Variants in NOD2 observed in about 807,000 individuals in gnomAD.
NOD2 encodes nucleotide-binding oligomerization domain-containing protein 2.
A neutral mutation model predicts 90.9 loss-of-function variants in NOD2; 86 were observed. The observed-to-expected ratio is 0.95, with a 90% CI of 0.79 to 1.13. The LOEUF is 1.13. Ranked by LOEUF, NOD2 falls within the 50% of genes most tolerant of loss-of-function variation. NOD2 has a pLI of 0.00. For synonymous variants in NOD2, 581 were observed against 554.6 expected (o/e 1.05, Z -0.67); for missense variants, 1,238 against 1,283.8 (o/e 0.96, Z 0.55).
intron 2 of NOD2, among the ~76,000 whole-genome samples, chr16:50,700,286 C>A (rs1041511714): frequency 6.6e-6 from 1 of 151,670 alleles, no homozygotes; most frequent in African/African-American, 2.4e-5. Flanking sequence ...CCATGAACAG[C>A]TAATTTTTTT....
intron 1 of NOD2, among the ~76,000 whole-genome samples, chr16:50,696,730 T>C (rs902063852): frequency 1.3e-5 from 2 of 152,208 alleles, no homozygotes; most frequent in Admixed American, 1.3e-4. Context: ...CCTGGCTGAA[T>C]TGGCCCTCAG....
intron 8 of NOD2, among the ~76,000 whole-genome samples, chr16:50,722,916 C>T (rs1479097397): frequency 1.3e-5 from 2 of 152,126 alleles, no homozygotes; most frequent in Admixed American, 1.3e-4. Flanking sequence ...GGTTTTGATA[C>T]AGTATCTGTA....
chr16:50,702,008 C>T (rs971289140), intron 2 of NOD2, among the ~76,000 whole-genome samples: 5 of 152,086 alleles, frequency 3.3e-5, no homozygotes, highest in South Asian at 2.1e-4. Context: ...TGCAGTAGCA[C>T]GATCATAAAT....
intron 7 of NOD2, among the ~76,000 whole-genome samples, chr16:50,721,642 G>A (rs1385448830): frequency 6.6e-6 from 1 of 152,006 alleles, no homozygotes; most frequent in Non-Finnish European, 1.5e-5. Context: ...ACAGGCACAA[G>A]CCACCATGCC....
intron 6 of NOD2, among the ~76,000 whole-genome samples, chr16:50,718,460 T>G (rs1964898466): frequency 6.6e-6 from 1 of 152,244 alleles, no homozygotes; most frequent in South Asian, 2.1e-4. Flanking sequence ...ATGTATGAAT[T>G]GTTTATCTCT....
chr16:50,720,868 G>A (rs1476477779), intron 7 of NOD2, among the ~76,000 whole-genome samples: 1 of 151,852 alleles, frequency 6.6e-6, no homozygotes, highest in Non-Finnish European at 1.5e-5. Context: ...GCAGTGGCAC[G>A]ATCTTGGCTC....
chr16:50,726,749 A>T (rs1965279915), intron 10 of NOD2, among the ~76,000 whole-genome samples: 1 of 152,132 alleles, frequency 6.6e-6, no homozygotes, highest in Admixed American at 6.5e-5. Context: ...AAACTATATC[A>T]TCCCCCACAA....
At chr16:50,720,053 G>A in intron 7 of NOD2, 45 bp downstream of exon 7, 1 of 1,561,664 alleles carries the variant, frequency 6.4e-7, no homozygotes, top group Non-Finnish European at 8.8e-7. Flanking sequence ...AGGGGCTTGG[G>A]ACTTTTGAGG....
At chr16:50,716,775 T>G in intron 5 of NOD2, 105 bp downstream of exon 5, 1 of 1,473,626 alleles carries the variant, frequency 6.8e-7, no homozygotes, top group Non-Finnish European at 9.5e-7. Flanking sequence ...AGGGGCTGTT[T>G]GCATGATGGG....
rs1462171113 is a variant in NOD2, at chr16:50,710,796, G to C, written c.804G>C (p.Val268=). The change falls in exon 4 of 12, where the codon GTG becomes GTC. Residue 268 remains valine (V), a synonymous_variant. Transcript: ENST00000647318. ...PGHLNDDADT[V]LVVGEAGSGK... is the part of the protein sequence containing the mutation. ...ACCTCAATGACGATGCGGACACTGT[G>C]CTGGTGGTGGGTGAGGCGGGCAGTG... The C allele has an allele frequency of 6.2e-7, 1 of 1,614,030 alleles. No homozygotes were observed. Among genetic ancestry groups the C allele is most frequent in the Non-Finnish European group, 8.5e-7 (1 of 1,180,052 alleles).
rs570344566 is a variant in NOD2, at chr16:50,707,026, A to G, written c.460-829A>G. Among the ~76,000 whole-genome samples, 16 of 152,308 alleles carry G rather than the reference A, an allele frequency of 1.1e-4. No individual in the cohort carries two copies. In the South Asian group the frequency reaches 3.3e-3, roughly 32 times the overall value. The stretch of plus-strand genomic sequence containing the variant: ...TCTTGCTATTTTCTACATGGATTAC[A>G]TGTTGAAATGGTAATGTTTTGGCTA... On this transcript the variant is annotated intron_variant, in intron 2 of 11. Transcript: ENST00000647318.
At chr16:50,698,923 C>G (rs896196732) in intron 1 of NOD2, among the ~76,000 whole-genome samples, 2 of 150,944 alleles carry the variant, frequency 1.3e-5, no homozygotes, top group East Asian at 3.9e-4. Flanking sequence ...CTCTCTCTCT[C>G]TCTGTCTTTT....
chr16:50,718,465 A>C (rs1471039284), intron 6 of NOD2, among the ~76,000 whole-genome samples: 1 of 152,206 alleles, frequency 6.6e-6, no homozygotes, highest in African/African-American at 2.4e-5. Context: ...TGAATTGTTT[A>C]TCTCTAGAAT....
Position 50,712,450 on chromosome 16 carries a change from T to C in NOD2, c.2381+77T>C, listed in dbSNP as rs541029109. The C allele has an allele frequency of 2.9e-4, 451 of 1,581,190 alleles. 4 individuals carry two copies. Among genetic ancestry groups the C allele is most frequent in the Non-Finnish European group, 4.3e-5 (50 of 1,160,086 alleles). ...TAAGTGTGGGAGCACCGAGCTGGGC[T>C]CTAGAAGTCTGGGCCCAGCTTCGCC... On this transcript the variant is annotated intron_variant, in intron 4 of 11. Transcript: ENST00000647318.
intron 7 of NOD2, among the ~76,000 whole-genome samples, chr16:50,721,904 T>C (rs913343893): frequency 1.3e-5 from 2 of 152,220 alleles, no homozygotes; most frequent in African/African-American, 2.4e-5. Context: ...GTCATATCCC[T>C]GGGGCACAGA....
At position 50,699,073 on chromosome 16, in the gene NOD2, G is replaced by A. The variant is rs150247629; in HGVS notation, c.-8-415G>A. 5.1e-3 allele frequency among the ~76,000 whole-genome samples: 776 copies of A among 152,104 alleles called. 8 individuals carry two copies. The highest frequency in any genetic ancestry group is 0.018 in the African/African-American group (741 of 41,492). Reference sequence around the variant, plus strand: ...CTCCTGAGTAGCTGGGATTACAGGCGCTCGCCACCACGCCTGGCTAATTTT... The same window carrying A: ...CTCCTGAGTAGCTGGGATTACAGGCACTCGCCACCACGCCTGGCTAATTTT... On this transcript the variant is annotated intron_variant, in intron 1 of 11. Coordinates refer to ENST00000647318, the MANE Select transcript of NOD2 (RefSeq NM_001370466.1).
intron 8 of NOD2, 112 bp from the exon 9 acceptor site, chr16:50,723,189 G>A (rs1965143402): frequency 1.5e-6 from 1 of 686,872 alleles, no homozygotes; most frequent in Non-Finnish European, 2.6e-6. Flanking sequence ...AATTAGTGAT[G>A]TCTGAAATGG....
chr16:50,705,671 C>G (rs17221417), intron 2 of NOD2, among the ~76,000 whole-genome samples: 30,031 of 152,168 alleles, frequency 0.2, 3,854 homozygotes, highest in Non-Finnish European at 0.29. Context: ...CCGGAGGTCC[C>G]TCATGCTGAT....
At position 50,731,818 on chromosome 16, in the gene NOD2, G is replaced by A. The variant is rs1347092050; in HGVS notation, c.3041G>A (p.Ter1014=). 1.2e-6 allele frequency: 2 copies of A among 1,611,892 alleles called. No individual in the cohort carries two copies. Among genetic ancestry groups the A allele is most frequent in the South Asian group, 2.2e-5 (2 of 91,014 alleles). ...TGCAGGGACACCAGACTCTTGCTTT[G>A]AAGTCTCCGGGAGGATGTTCGTCTC... The part of the protein sequence containing the change: ...LGCRDTRLLL[*] Residue 1014 remains the stop codon, a stop_retained_variant, in exon 12 of 12, where the codon TGA becomes TAA. Transcript: ENST00000647318.
Sources: gnomAD v4.1 joint callset for allele counts (sites outside exome capture counted in the v4.1 genomes callset) on GRCh38, gnomAD v4.1.1 for gene constraint, MANE v1.5 for transcripts, NCBI Gene and HGNC (gene_info 2026-07-23, HGNC 2026-07-21) for gene names.